PIK3C3: variants seen among roughly 807,000 people sequenced by gnomAD.
PIK3C3 encodes the protein PI3-kinase type 3.
A neutral mutation model predicts 126.1 loss-of-function variants in PIK3C3; 95 were observed. The ratio of observed to expected loss-of-function variants is 0.75; its 90% CI spans 0.64 to 0.89. The LOEUF (loss-of-function observed/expected upper bound fraction) is 0.89. Ranked by LOEUF, PIK3C3 falls within the 40% of genes least tolerant of loss-of-function variation. The pLI, the probability that PIK3C3 is intolerant of heterozygous loss-of-function variation, is 0.00. For missense variants in PIK3C3, 829 were observed against 1,063.2 expected (o/e 0.78, Z 3.06); for synonymous variants, 374 against 360.0 (o/e 1.04, Z -0.44).
intron 21 of PIK3C3, among the ~76,000 whole-genome samples, chr18:42,056,720 T>C (rs1985082083): frequency 6.6e-6 from 1 of 152,068 alleles, no homozygotes; most frequent in Admixed American, 6.6e-5. Context: ...AGAGAACACA[T>C]ATTTAGTTGA....
chr18:42,041,529 T>C (rs1984320307), intron 19 of PIK3C3, among the ~76,000 whole-genome samples: 1 of 150,240 alleles, frequency 6.7e-6, no homozygotes, highest in African/African-American at 2.4e-5. Context: ...TTAGTTCTTA[T>C]AACATGTTAA....
At position 42,049,540 on chromosome 18, in the gene PIK3C3, G is replaced by A. The variant is rs1295616712; in HGVS notation, c.2198G>A (p.Cys733Tyr). ...TTAACTGTTACTGCAGCTGGATATT[G>A]CGTGATCACCTATATACTTGGAGTT... ...DTYVKSCAGYCVITYILGVGD... is the reference protein window; with the variant it reads ...DTYVKSCAGYYVITYILGVGD... The change falls in exon 21 of 25, where the codon TGC (cysteine) becomes TAC (tyrosine). Residue 733 changes from cysteine to tyrosine, a missense_variant. By Grantham distance (194) the Cys-to-Tyr change is radical. Around this residue, in one of 4 missense-constraint regions of PIK3C3, gnomAD observed 196 missense variants for 312.8 expected, o/e 0.63. Transcript: ENST00000262039. 6.2e-7 allele frequency: 1 copy of A among 1,612,782 alleles called. No individual in the cohort carries two copies. The highest frequency in any genetic ancestry group is 1.1e-5 in the South Asian group (1 of 90,950).
intron 13 of PIK3C3, among the ~76,000 whole-genome samples, chr18:42,025,106 C>T (rs916727617): frequency 2.0e-5 from 3 of 152,244 alleles, no homozygotes; most frequent in African/African-American, 7.2e-5. Flanking sequence ...GCCACCACGC[C>T]CGGCCAACAT....
intron 12 of PIK3C3, among the ~76,000 whole-genome samples, chr18:42,019,234 G>T (rs1983213110): frequency 6.6e-6 from 1 of 152,086 alleles, no homozygotes; most frequent in African/African-American, 2.4e-5. Context: ...TCAAGTATGT[G>T]TTAGAATTTT....
At position 42,067,044 on chromosome 18, in the gene PIK3C3, A is replaced by G. The variant is rs577351646; in HGVS notation, c.2524-344A>G. Among the ~76,000 whole-genome samples the G allele has an allele frequency of 3.3e-4, 50 of 152,284 alleles. 1 individual carries two copies. The highest frequency in any genetic ancestry group is 2.9e-3 in the East Asian group (15 of 5,184). The stretch of plus-strand genomic sequence containing the variant: ...AAACATTCCACAATTTAAATCATAT[A>G]TAGTAACTCTAGATTTTAGATTAAA... On this transcript the variant is annotated intron_variant, in intron 23 of 24. Transcript: ENST00000262039.
At chr18:42,009,834 T>C (rs530340059) in intron 10 of PIK3C3, among the ~76,000 whole-genome samples, 42 of 152,104 alleles carry the variant, frequency 2.8e-4, no homozygotes, top group Non-Finnish European at 5.6e-4. Flanking sequence ...TGCTAAAAAT[T>C]TTAACAATCA....
At chr18:42,012,446 CAG>C (rs1162752846) in intron 10 of PIK3C3, among the ~76,000 whole-genome samples, 1 of 152,100 alleles carries the variant, frequency 6.6e-6, no homozygotes, top group Non-Finnish European at 1.5e-5. Flanking sequence ...CCCAAAGTCT[CAG>C]AATTTTCTGA....
At chr18:42,067,642 T>G in intron 24 of PIK3C3, 129 bp downstream of exon 24, 1 of 936,106 alleles carries the variant, frequency 1.1e-6, no homozygotes, top group Non-Finnish European at 1.6e-6. Context: ...TTTTGACATC[T>G]CACCAGCCAG....
At chr18:41,965,824 A>G (rs1980333764) in intron 3 of PIK3C3, among the ~76,000 whole-genome samples, 1 of 152,156 alleles carries the variant, frequency 6.6e-6, no homozygotes, top group Admixed American at 6.5e-5. Context: ...GTGCCTAAAG[A>G]CAAATCAGTA....
At chr18:42,007,487 C>T (rs992859432) in intron 10 of PIK3C3, among the ~76,000 whole-genome samples, 5 of 151,988 alleles carry the variant, frequency 3.3e-5, no homozygotes, top group Non-Finnish European at 2.9e-5. Context: ...ATATTGACAC[C>T]TTTATGACAT....
rs117351748 is a variant in PIK3C3, at chr18:42,058,046, G to C, written c.2427G>C (p.Leu809=). ...RKQCYTAFLH[L]RRYSNLILNL... is the part of the protein sequence containing the mutation. ...AGTGTTACACGGCTTTCCTCCACCT[G>C]CGAAGGTAAGTTGATTTGCTTGGCA... is the stretch of plus-strand genomic sequence containing the variant. Residue 809 remains leucine (L), a synonymous_variant, in exon 22 of 25, where the codon CTG becomes CTC. Transcript: ENST00000262039. 1.0e-4 allele frequency: 159 copies of C among 1,577,474 alleles called. No homozygotes were observed. Among genetic ancestry groups the C allele is most frequent in the Middle Eastern group, 1.7e-4 (1 of 5,974 alleles).
At chr18:42,059,744 T>A (rs1486076977) in intron 22 of PIK3C3, 1 of 152,060 alleles carries the variant, frequency 6.6e-6, no homozygotes, top group African/African-American at 2.4e-5. Flanking sequence ...TACTTAATAT[T>A]ATCTGGACCT....
chr18:42,015,380 A>T, intron 11 of PIK3C3, 96 bp from the exon 12 acceptor site: 1 of 863,186 alleles, frequency 1.2e-6, no homozygotes, highest in Non-Finnish European at 1.9e-6. Flanking sequence ...TGCATTAACT[A>T]GACACAATTG....
intron 8 of PIK3C3, among the ~76,000 whole-genome samples, chr18:41,996,231 T>G (rs1424289696): frequency 1.3e-5 from 2 of 152,206 alleles, no homozygotes; most frequent in Non-Finnish European, 2.9e-5. Context: ...GTCAGTAGTA[T>G]TCTTAGAAGC....
At chr18:42,027,303 T>C in intron 13 of PIK3C3, 140 bp from the exon 14 acceptor site, 1 of 408,370 alleles carries the variant, frequency 2.4e-6, no homozygotes. Context: ...TTAAAAGTGA[T>C]GATAAAATGT....
At chr18:42,078,377 C>G (rs1986110768) in intron 24 of PIK3C3, among the ~76,000 whole-genome samples, 2 of 91,162 alleles carry the variant, frequency 2.2e-5, no homozygotes, top group Admixed American at 1.5e-4. Context: ...GAGCGAGACT[C>G]TGTCTCAAAA....
chr18:42,007,090 G>C (rs2144389228), intron 10 of PIK3C3, among the ~76,000 whole-genome samples: 1 of 152,138 alleles, frequency 6.6e-6, no homozygotes, highest in African/African-American at 2.4e-5. Context: ...GGATGGTCTT[G>C]ATCTCCTGAC....
At chr18:42,046,567 A>C (rs191581184) in intron 20 of PIK3C3, among the ~76,000 whole-genome samples, 2 of 152,172 alleles carry the variant, frequency 1.3e-5, no homozygotes, top group African/African-American at 2.4e-5. Context: ...AAAACTAACA[A>C]CATTGTTTTG....
At chr18:42,042,678 C>T (rs762514135) in intron 19 of PIK3C3, among the ~76,000 whole-genome samples, 1 of 152,172 alleles carries the variant, frequency 6.6e-6, no homozygotes, top group African/African-American at 2.4e-5. Context: ...TATACTGATT[C>T]TTGGCTGCAC....
Sources: gnomAD v4.1 joint callset for allele counts (sites outside exome capture counted in the v4.1 genomes callset) on GRCh38, gnomAD v4.1.1 for gene constraint, gnomAD v4.1.1 regional missense constraint, MANE v1.5 for transcripts, NCBI Gene and HGNC (gene_info 2026-07-23, HGNC 2026-07-21) for gene names.